Variants in LYPLAL1 observed in about 807,000 individuals in gnomAD.
LYPLAL1 encodes the protein lysophospholipase like 1, also known as lysophospholipase-like protein 1.
A neutral mutation model predicts 19.7 loss-of-function variants in LYPLAL1; 23 were observed. That is an observed-to-expected ratio of 1.17 (90% CI 0.84 to 1.65). The LOEUF (loss-of-function observed/expected upper bound fraction) is 1.65, where lower values mean the gene tolerates loss of function less well. Ranked by LOEUF, LYPLAL1 falls within the 40% of genes most tolerant of loss-of-function variation. LYPLAL1 has a pLI of 0.00. For missense variants in LYPLAL1, 355 were observed against 279.4 expected (o/e 1.27, Z -1.93); for synonymous variants, 119 against 96.3 (o/e 1.24, Z -1.38).
At chr1:219,296,983 G>T in the LYPLAL1 span, among the ~76,000 whole-genome samples, 1 of 152,184 alleles carries the variant, frequency 6.6e-6, no homozygotes, top group East Asian at 1.9e-4. Flanking sequence ...GACACTAGAC[G>T]TGCCCGCTAA....
chr1:219,286,278 T>C, the LYPLAL1 span, among the ~76,000 whole-genome samples: 1 of 152,130 alleles, frequency 6.6e-6, no homozygotes, highest in Admixed American at 6.5e-5. Context: ...GCAGGAGCTA[T>C]TTACTAATTG....
At chr1:219,235,607 G>A in the LYPLAL1 span, among the ~76,000 whole-genome samples, 9 of 152,270 alleles carry the variant, frequency 5.9e-5, no homozygotes, top group East Asian at 1.9e-4. Flanking sequence ...TACTACATGC[G>A]TACGCACATA....
the LYPLAL1 span, among the ~76,000 whole-genome samples, chr1:219,396,278 G>A: frequency 2.6e-5 from 4 of 152,190 alleles, no homozygotes; most frequent in East Asian, 7.7e-4. Flanking sequence ...TCTCTATTCT[G>A]TTCCATTGGT....
intron 3 of LYPLAL1, among the ~76,000 whole-genome samples, chr1:219,202,982 G>A (rs1267834294): frequency 6.6e-6 from 1 of 152,044 alleles, no homozygotes; most frequent in Non-Finnish European, 1.5e-5. Context: ...CACCATGTCT[G>A]GCCCAGGCTA....
chr1:219,276,519 C>T, the LYPLAL1 span, among the ~76,000 whole-genome samples: 1 of 152,166 alleles, frequency 6.6e-6, no homozygotes, highest in Non-Finnish European at 1.5e-5. Flanking sequence ...TGAGCAAAAA[C>T]GCTTCCAATA....
At chr1:219,431,708 A>G in the LYPLAL1 span, among the ~76,000 whole-genome samples, 23 of 152,326 alleles carry the variant, frequency 1.5e-4, no homozygotes, top group African/African-American at 5.3e-4. Flanking sequence ...CTTGTTCTGG[A>G]AAATTACTCT....
At chr1:219,196,060 T>G (rs1425625341) in intron 3 of LYPLAL1, among the ~76,000 whole-genome samples, 1 of 152,214 alleles carries the variant, frequency 6.6e-6, no homozygotes, top group African/African-American at 2.4e-5. Context: ...GTACCACATT[T>G]TCTTTACCCA....
chr1:219,413,368 T>G, the LYPLAL1 span, among the ~76,000 whole-genome samples: 1 of 152,230 alleles, frequency 6.6e-6, no homozygotes, highest in African/African-American at 2.4e-5. Context: ...TTCTTTCATA[T>G]GGGCTTTTCG....
the LYPLAL1 span, among the ~76,000 whole-genome samples, chr1:219,396,547 G>T: frequency 6.6e-6 from 1 of 151,964 alleles, no homozygotes; most frequent in Non-Finnish European, 1.5e-5. Flanking sequence ...TCCTATCTGT[G>T]GTCATAGAAT....
At chr1:219,400,423 A>G in the LYPLAL1 span, among the ~76,000 whole-genome samples, 1 of 152,174 alleles carries the variant, frequency 6.6e-6, no homozygotes, top group Non-Finnish European at 1.5e-5. Flanking sequence ...TGTAGCCTCC[A>G]ATGCCTGATT....
At chr1:219,222,211 G>A in the LYPLAL1 span, 1 of 152,152 alleles carries the variant, frequency 6.6e-6, no homozygotes, top group African/African-American at 2.4e-5. Flanking sequence ...CTCCATGAAG[G>A]AGAGTGACAC....
At chr1:219,185,087 C>T (rs1459057627) in intron 2 of LYPLAL1, among the ~76,000 whole-genome samples, 1 of 151,750 alleles carries the variant, frequency 6.6e-6, no homozygotes, top group Non-Finnish European at 1.5e-5. Flanking sequence ...TTTCATAGAA[C>T]CAGGATATTC....
At chr1:219,344,363 C>T in the LYPLAL1 span, among the ~76,000 whole-genome samples, 16 of 152,306 alleles carry the variant, frequency 1.1e-4, no homozygotes, top group Admixed American at 3.3e-4. Context: ...GCACGATTCT[C>T]GTCTCCCTTC....
At chr1:219,208,450 G>T (rs1217993721) in intron 3 of LYPLAL1, among the ~76,000 whole-genome samples, 2 of 151,932 alleles carry the variant, frequency 1.3e-5, no homozygotes, top group Non-Finnish European at 2.9e-5. Context: ...TCTTTGATAA[G>T]CTTAAGAGAT....
the LYPLAL1 span, among the ~76,000 whole-genome samples, chr1:219,337,051 A>G: frequency 6.6e-6 from 1 of 151,952 alleles, no homozygotes; most frequent in East Asian, 1.9e-4. Context: ...TTGGCCTGTG[A>G]CTGCATTACA....
the LYPLAL1 span, among the ~76,000 whole-genome samples, chr1:219,418,503 G>A: frequency 6.6e-6 from 1 of 152,198 alleles, no homozygotes; most frequent in African/African-American, 2.4e-5. Flanking sequence ...TTAGAGCAGT[G>A]TTGGGTTAAC....
intron 3 of LYPLAL1, among the ~76,000 whole-genome samples, chr1:219,201,653 C>G (rs1333605324): frequency 1.3e-5 from 2 of 152,008 alleles, no homozygotes; most frequent in Non-Finnish European, 2.9e-5. Flanking sequence ...TATAAAGCCT[C>G]TTTTTTCTAC....
chr1:219,387,342 A>T, the LYPLAL1 span, among the ~76,000 whole-genome samples: 25 of 152,234 alleles, frequency 1.6e-4, no homozygotes, highest in Non-Finnish European at 2.8e-4. Flanking sequence ...AGCCATAATT[A>T]AAAGGAAAGA....
At chr1:219,183,334 A>T (rs1255193620) in intron 2 of LYPLAL1, among the ~76,000 whole-genome samples, 1 of 151,812 alleles carries the variant, frequency 6.6e-6, no homozygotes, top group African/African-American at 2.4e-5. Context: ...ACAGTTTATT[A>T]TTGTTGTTGG....
Sources: allele counts gnomAD v4.1 joint callset (sites outside exome capture counted in the v4.1 genomes callset), GRCh38; gene constraint gnomAD v4.1.1; transcripts MANE v1.5; gene names NCBI Gene and HGNC (gene_info 2026-07-23, HGNC 2026-07-21).